The following TRHDE variants were observed in gnomAD, a reference collection of about 807,000 sequenced individuals.
TRHDE encodes thyrotropin-releasing hormone-degrading ectoenzyme.
A neutral mutation model predicts 125.7 loss-of-function variants in TRHDE; 72 were observed. The observed-to-expected ratio is 0.57, with a 90% CI of 0.47 to 0.70. The LOEUF (loss-of-function observed/expected upper bound fraction) is 0.70. Among genes scored for constraint, TRHDE ranks in the 30% least tolerant of loss-of-function variants. The pLI, the probability that TRHDE is intolerant of heterozygous loss-of-function variation, is 0.00. For synonymous variants in TRHDE, 509 were observed against 509.1 expected, an observed-to-expected ratio of 1.00 and a Z score of 0.00; for missense variants, 1,110 against 1,327.1, an observed-to-expected ratio of 0.84 and a Z score of 2.54.
intron 15 of TRHDE, among the ~76,000 whole-genome samples, chr12:72,646,044 T>C (rs576422116): frequency 6.6e-6 from 1 of 152,194 alleles, no homozygotes; most frequent in South Asian, 2.1e-4. Context: ...AACTCACTGG[T>C]AAAAATCAAC....
chr12:72,621,250 A>C, intron 14 of TRHDE, 45 bp downstream of exon 14: 1 of 1,247,510 alleles, frequency 8.0e-7, no homozygotes, highest in South Asian at 1.2e-5. Context: ...CTAGAGCTGT[A>C]TAATAATGTA....
intron 1 of TRHDE, among the ~76,000 whole-genome samples, chr12:72,088,729 C>T (rs561570278): frequency 2.0e-5 from 3 of 152,066 alleles, no homozygotes; most frequent in African/African-American, 7.2e-5. Flanking sequence ...GTTCTTTCTC[C>T]TCTCCGGGCT....
intron 2 of TRHDE, among the ~76,000 whole-genome samples, chr12:72,194,875 G>C (rs1345111881): frequency 6.6e-6 from 1 of 151,902 alleles, no homozygotes; most frequent in Non-Finnish European, 1.5e-5. Context: ...ATTTTCTTTT[G>C]GATACATACC....
At chr12:72,164,172 AG>A (rs1302318192) in intron 2 of TRHDE, among the ~76,000 whole-genome samples, 1 of 152,200 alleles carries the variant, frequency 6.6e-6, no homozygotes, top group East Asian at 1.9e-4. Context: ...TGCATTGATG[AG>A]GGTAGTTTTT....
At position 72,495,060 on chromosome 12, in the gene TRHDE, G is replaced by GTTTTTTTT. The variant is rs751243542; in HGVS notation, c.1585-4419_1585-4412dup. Among the ~76,000 whole-genome samples the GTTTTTTTT allele has an allele frequency of 4.1e-3, 241 of 58,366 alleles. 15 individuals are homozygous for GTTTTTTTT. The highest frequency in any genetic ancestry group is 5.9e-3 in the African/African-American group (80 of 13,478). 38.3% of individuals were successfully genotyped at this position (58,366 alleles called of 152,430 possible). Reference sequence around the variant, plus strand: ...CATTTCTGTCAATAGTTCCTCCCCCGTTTTTTTTTTTTTTTTTTTTTTTTT... The same window carrying GTTTTTTTT: ...CATTTCTGTCAATAGTTCCTCCCCCGTTTTTTTTTTTTTTTTTTTTTTTTTTTTTTTTT... On this transcript the variant is annotated intron_variant, in intron 5 of 18. Transcript: ENST00000261180.
intron 2 of TRHDE, among the ~76,000 whole-genome samples, chr12:72,333,895 T>A (rs1415669442): frequency 6.6e-6 from 1 of 152,212 alleles, no homozygotes; most frequent in Non-Finnish European, 1.5e-5. Flanking sequence ...ATAATTCAAA[T>A]TTAAGTGACA....
chr12:72,650,828 G>C (rs1210540423), intron 15 of TRHDE, among the ~76,000 whole-genome samples: 1 of 152,090 alleles, frequency 6.6e-6, no homozygotes, highest in Non-Finnish European at 1.5e-5. Context: ...AGTTATTAAA[G>C]ATGGAGGCAT....
At chr12:72,599,181 C>A (rs751173414) in intron 12 of TRHDE, among the ~76,000 whole-genome samples, 2 of 152,044 alleles carry the variant, frequency 1.3e-5, no homozygotes, top group Non-Finnish European at 2.9e-5. Context: ...AGTGCTGCAA[C>A]AAACATAAAG....
chr12:72,441,654 GA>G (rs1398606113), intron 3 of TRHDE, among the ~76,000 whole-genome samples: 1 of 151,888 alleles, frequency 6.6e-6, no homozygotes, highest in Non-Finnish European at 1.5e-5. Flanking sequence ...GTTTAATGAA[GA>G]GAGCTGTTAT....
chr12:72,500,254 T>C lies in TRHDE; in HGVS notation c.1722+619T>C, dbSNP rs145784543. On this transcript the variant is annotated intron_variant, in intron 6 of 18. Transcript: ENST00000261180. ...TAGGATTTTTCTTTATATCTGTATC[T>C]CTTAGTTGTTCTAATTTTAACATGA... Among the ~76,000 whole-genome samples the C allele has an allele frequency of 3.5e-3, 526 of 152,308 alleles. 5 individuals carry two copies. Among genetic ancestry groups the C allele is most frequent in the African/African-American group, 0.012 (479 of 41,576 alleles).
chr12:72,525,421 A>G (rs1006852783), intron 6 of TRHDE, among the ~76,000 whole-genome samples: 2 of 152,050 alleles, frequency 1.3e-5, no homozygotes, highest in Admixed American at 1.3e-4. Context: ...ATATATTATG[A>G]TGAGATATTT....
At chr12:72,575,120 G>C (rs1220467920) in intron 10 of TRHDE, 135 bp from the exon 11 acceptor site, 4 of 801,284 alleles carry the variant, frequency 5.0e-6, no homozygotes, top group East Asian at 2.7e-5. Context: ...ATTAATTAAA[G>C]AGTAGGCTTC....
chr12:72,185,097 C>T (rs1033347898), intron 2 of TRHDE, among the ~76,000 whole-genome samples: 1 of 152,184 alleles, frequency 6.6e-6, no homozygotes, highest in African/African-American at 2.4e-5. Flanking sequence ...AGCTGGAGTT[C>T]TGGGTGGGCG....
intron 2 of TRHDE, among the ~76,000 whole-genome samples, chr12:72,250,246 C>T (rs182871633): frequency 4.4e-4 from 67 of 152,118 alleles, no homozygotes; most frequent in Non-Finnish European, 6.5e-4. Flanking sequence ...GTCAACATGG[C>T]ATTAAACTTA....
intron 10 of TRHDE, among the ~76,000 whole-genome samples, chr12:72,573,862 A>G (rs985651582): frequency 4.6e-5 from 7 of 152,038 alleles, no homozygotes; most frequent in Non-Finnish European, 1.0e-4. Context: ...GGGTAATTCA[A>G]TTAACCTGTC....
At chr12:72,178,787 G>A (rs1877040267) in intron 2 of TRHDE, among the ~76,000 whole-genome samples, 1 of 152,072 alleles carries the variant, frequency 6.6e-6, no homozygotes. Context: ...TATTTGGCTA[G>A]CACTGTTAAA....
chr12:72,212,063 G>C (rs188618288), intron 2 of TRHDE, among the ~76,000 whole-genome samples: 1 of 151,910 alleles, frequency 6.6e-6, no homozygotes, highest in South Asian at 2.1e-4. Flanking sequence ...CAGAAAATAG[G>C]GTTTGGAAGC....
chr12:72,650,285 C>A (rs1408579280), intron 15 of TRHDE, among the ~76,000 whole-genome samples: 1 of 152,022 alleles, frequency 6.6e-6, no homozygotes, highest in Non-Finnish European at 1.5e-5. Flanking sequence ...CACAGAAAGA[C>A]AGTTATGATT....
intron 2 of TRHDE, among the ~76,000 whole-genome samples, chr12:72,199,865 G>T (rs1164654784): frequency 1.3e-5 from 2 of 152,168 alleles, no homozygotes; most frequent in Non-Finnish European, 2.9e-5. Context: ...CTATTTTCAT[G>T]TTTGGATCCT....
Sources: allele counts gnomAD v4.1 joint callset (sites outside exome capture counted in the v4.1 genomes callset), GRCh38; gene constraint gnomAD v4.1.1; transcripts MANE v1.5; gene names NCBI Gene and HGNC (gene_info 2026-07-23, HGNC 2026-07-21).